KIF25: variants seen among roughly 807,000 people sequenced by gnomAD.
The protein encoded by KIF25 is kinesin family member 25, also known as kinesin-like protein KIF25.
KIF25 carries 19 observed loss-of-function variants against 32.9 expected under a neutral mutation model. The ratio of observed to expected loss-of-function variants is 0.58; its 90% CI spans 0.40 to 0.85. The LOEUF (loss-of-function observed/expected upper bound fraction) is 0.85. Among genes scored for constraint, KIF25 ranks in the 40% least tolerant of loss-of-function variants. The probability of loss-of-function intolerance (pLI) is 0.00; values close to 1 mark genes in which losing one functional copy is unlikely to be tolerated. For synonymous variants in KIF25, 225 were observed against 213.7 expected, an observed-to-expected ratio of 1.05 and a Z score of -0.46; for missense variants, 485 against 507.0, an observed-to-expected ratio of 0.96 and a Z score of 0.42.
intron 8 of KIF25, chr6:168,036,185 C>A: frequency 1.2e-5 from 2 of 164,284 alleles, no homozygotes; most frequent in East Asian, 1.6e-4. Context: ...TTCTTCTAAA[C>A]CTGGTTGTTG....
intron 12 of KIF25, 39 bp downstream of exon 12, chr6:168,042,755 A>G (rs372869576): frequency 1.3e-6 from 2 of 1,581,322 alleles, no homozygotes; most frequent in African/African-American, 2.7e-5. Context: ...ATGGGGGACC[A>G]CGTACCCCAG....
At chr6:168,014,743 C>A (rs1224406592) in intron 4 of KIF25, among the ~76,000 whole-genome samples, 1 of 152,228 alleles carries the variant, frequency 6.6e-6, no homozygotes, top group Non-Finnish European at 1.5e-5. Context: ...AATCTGGCTG[C>A]TGCCCTAGTT....
intron 5 of KIF25, 142 bp from the exon 6 acceptor site, chr6:168,029,350 A>C: frequency 1.8e-6 from 1 of 566,606 alleles, no homozygotes; most frequent in Non-Finnish European, 2.9e-6. Flanking sequence ...TTTCTAAAAC[A>C]CCAGCTGGAA....
intron 5 of KIF25, 130 bp downstream of exon 5, chr6:168,018,170 G>A (rs986477374): frequency 1.3e-5 from 2 of 152,092 alleles, no homozygotes; most frequent in Admixed American, 6.5e-5. Context: ...AAATACAGAC[G>A]GTCCCTGAGG....
chr6:168,029,028 G>A (rs1449187017), intron 5 of KIF25, among the ~76,000 whole-genome samples: 1 of 152,146 alleles, frequency 6.6e-6, no homozygotes, highest in African/African-American at 2.4e-5. Flanking sequence ...TTAGCTCCAA[G>A]TAGAGATTGT....
intron 4 of KIF25, among the ~76,000 whole-genome samples, chr6:168,010,864 C>G (rs948860769): frequency 2.0e-5 from 3 of 152,082 alleles, no homozygotes; most frequent in African/African-American, 7.2e-5. Context: ...TAATGTCCCT[C>G]CTGTCCTCTT....
At chr6:168,030,923 G>C in intron 7 of KIF25, 76 bp downstream of exon 7, 1 of 1,195,602 alleles carries the variant, frequency 8.4e-7, no homozygotes. Flanking sequence ...GCTGTGGAGT[G>C]AGAATGTAGC....
intron 8 of KIF25, among the ~76,000 whole-genome samples, chr6:168,037,399 G>A (rs763447266): frequency 6.6e-6 from 1 of 152,152 alleles, no homozygotes; most frequent in African/African-American, 2.4e-5. Flanking sequence ...AGGACTTCCC[G>A]CCCGGTTCTC....
chr6:168,021,908 A>G (rs1359720322), intron 5 of KIF25, among the ~76,000 whole-genome samples: 1 of 152,210 alleles, frequency 6.6e-6, no homozygotes, highest in Non-Finnish European at 1.5e-5. Flanking sequence ...TTTTCTCTAG[A>G]TGCTTTTAAG....
chr6:168,021,402 A>G (rs1040323818), intron 5 of KIF25, among the ~76,000 whole-genome samples: 5 of 152,256 alleles, frequency 3.3e-5, no homozygotes, highest in African/African-American at 4.8e-5. Flanking sequence ...TCCCTCGAAG[A>G]CAGATCATGG....
At chr6:168,029,418 AAG>A in intron 5 of KIF25, 72 bp from the exon 6 acceptor site, 1 of 1,067,540 alleles carries the variant, frequency 9.4e-7, no homozygotes, top group Non-Finnish European at 1.3e-6. Flanking sequence ...GATGGTGTTA[AAG>A]AATAACTAAC....
intron 12 of KIF25, 98 bp from the exon 13 acceptor site, chr6:168,044,729 C>G: frequency 7.8e-7 from 1 of 1,290,084 alleles, no homozygotes; most frequent in Non-Finnish European, 1.1e-6. Flanking sequence ...GGGCGGCCCT[C>G]TCTGCAGCCG....
intron 4 of KIF25, among the ~76,000 whole-genome samples, chr6:168,011,190 C>T (rs1197292970): frequency 1.3e-5 from 2 of 152,070 alleles, no homozygotes; most frequent in African/African-American, 2.4e-5. Flanking sequence ...TCCTTTGCTT[C>T]TTACTTCCTC....
At chr6:168,011,968 C>G (rs1798653498) in intron 4 of KIF25, among the ~76,000 whole-genome samples, 1 of 151,986 alleles carries the variant, frequency 6.6e-6, no homozygotes, top group African/African-American at 2.4e-5. Flanking sequence ...TGTTGAAGCT[C>G]TCTATTGTAT....
chr6:168,003,432 C>T (rs999998857), intron 3 of KIF25, among the ~76,000 whole-genome samples, 182 bp from the exon 4 acceptor site: 2 of 151,734 alleles, frequency 1.3e-5, no homozygotes, highest in Admixed American at 1.3e-4. Flanking sequence ...AAGCCAGTGT[C>T]CTGGGAGACC....
At position 167,997,876 on chromosome 6, in the gene KIF25, C is replaced by A. The variant is rs1221934539; in HGVS notation, c.-1593C>A. ...GCCCGAGGCCCACGAAGCCAGTGTT[C>A]CTGCGAAGCTTCTCTTCCCTGGCCA... On this transcript the variant is annotated 5_prime_UTR_variant, in exon 1 of 13. Coordinates refer to ENST00000643607, the MANE Select transcript of KIF25 (RefSeq NM_030615.4). 1.3e-5 allele frequency among the ~76,000 whole-genome samples: 2 copies of A among 152,156 alleles called. No individual in the cohort carries two copies. Among genetic ancestry groups the A allele is most frequent in the Non-Finnish European group, 2.9e-5 (2 of 68,020 alleles).
intron 4 of KIF25, among the ~76,000 whole-genome samples, chr6:168,013,909 G>A (rs1044197049): frequency 4.6e-5 from 7 of 152,158 alleles, no homozygotes; most frequent in African/African-American, 1.7e-4. Flanking sequence ...GCTCAGCTGT[G>A]TAGTCATTGC....
At chr6:168,035,897 C>T in intron 8 of KIF25, 1 of 413,602 alleles carries the variant, frequency 2.4e-6, no homozygotes, top group Non-Finnish European at 5.0e-6. Context: ...CGTGTCCTCC[C>T]TCATCACATC....
At chr6:167,999,761 C>T (rs982490355) in intron 2 of KIF25, among the ~76,000 whole-genome samples, 2 of 152,194 alleles carry the variant, frequency 1.3e-5, no homozygotes, top group African/African-American at 4.8e-5. Flanking sequence ...ATACTTTTGA[C>T]TTAGAGAAAG....
Sources: gnomAD v4.1 joint callset for allele counts (sites outside exome capture counted in the v4.1 genomes callset) on GRCh38, gnomAD v4.1.1 for gene constraint, MANE v1.5 for transcripts, NCBI Gene and HGNC (gene_info 2026-07-23, HGNC 2026-07-21) for gene names.